The following SLC27A2 variants were observed in gnomAD, a reference collection of about 807,000 sequenced individuals.
SLC27A2 encodes the protein long-chain fatty acid transport protein 2.
Under a neutral mutation model 60.0 loss-of-function variants are expected in SLC27A2, and 54 were observed. That is an observed-to-expected ratio of 0.90 (90% CI 0.72 to 1.13). The LOEUF (loss-of-function observed/expected upper bound fraction) is 1.13, where lower values mean the gene tolerates loss of function less well. Among genes scored for constraint, SLC27A2 ranks in the 50% most tolerant of loss-of-function variants. The pLI is 0.00. For missense variants in SLC27A2, 739 were observed against 777.6 expected (o/e 0.95, Z 0.59); for synonymous variants, 297 against 297.6 (o/e 1.00, Z 0.02).
intron 7 of SLC27A2, 96 bp downstream of exon 7, chr15:50,227,274 C>T (rs2045285632): frequency 2.2e-6 from 2 of 912,852 alleles, no homozygotes; most frequent in African/African-American, 1.7e-5. Context: ...TGGTGCATTT[C>T]CTTCTCTATC....
In SLC27A2 at chr15:50,226,852, G is replaced by A. The variant is rs955307693; in HGVS notation, c.1259-128G>A. On this transcript the variant is annotated intron_variant, in intron 6 of 9. Transcript: ENST00000267842. ...GTACATATAATTCACAGGTATACAT[G>A]CATGGAAAATGATACTTCCTACAGC... 4.5e-6 allele frequency: 3 copies of A among 663,008 alleles called. No individual in the cohort carries two copies. In the African/African-American group the frequency reaches 5.5e-5, roughly 12 times the overall value. The allele number at this position is 663,008 out of a possible 1,614,324, so 41.1% of individuals were successfully genotyped here. A position where few individuals can be genotyped will look rare whatever the true frequency, so the allele number is the denominator to read the frequency against.
Position 50,182,236 on chromosome 15 carries a change from C to G in SLC27A2, c.-192C>G, listed in dbSNP as rs958468385. 3.8e-5 allele frequency: 35 copies of G among 915,506 alleles called. No homozygotes were observed. The highest frequency in any genetic ancestry group is 4.6e-5 in the Non-Finnish European group (32 of 692,338). The allele number at this position is 915,506 out of a possible 1,614,324, so 56.7% of individuals were successfully genotyped here. A position where few individuals can be genotyped will look rare whatever the true frequency, so the allele number is the denominator to read the frequency against. ...CCCCGGCAACGCGCATACGACTACA[C>G]CTGCTCCGGAGCCCGCGGCGGTACC... On this transcript the variant is annotated 5_prime_UTR_variant, in exon 1 of 10. Transcript: ENST00000267842.
chr15:50,204,502 G>GGT (rs2045092940), intron 3 of SLC27A2, among the ~76,000 whole-genome samples: 1 of 151,842 alleles, frequency 6.6e-6, no homozygotes, highest in Non-Finnish European at 1.5e-5. Flanking sequence ...GGGAGGCCAA[G>GGT]GGGTACAGAT....
intron 1 of SLC27A2, among the ~76,000 whole-genome samples, chr15:50,183,407 T>C (rs2140891721): frequency 6.6e-6 from 1 of 152,278 alleles, no homozygotes; most frequent in Admixed American, 6.5e-5. Context: ...TCCTCTCTAA[T>C]GAGGCAGGCT....
At chr15:50,235,407 A>G (rs1326898044) in intron 9 of SLC27A2, among the ~76,000 whole-genome samples, 1 of 152,198 alleles carries the variant, frequency 6.6e-6, no homozygotes, top group African/African-American at 2.4e-5. Context: ...CTGAAGCCTT[A>G]CCAAGAAATA....
chr15:50,188,941 CAG>C (rs1230817446), intron 1 of SLC27A2, among the ~76,000 whole-genome samples: 2 of 151,742 alleles, frequency 1.3e-5, no homozygotes, highest in African/African-American at 2.4e-5. Flanking sequence ...GCCGGGATGA[CAG>C]AGTGAGACTG....
rs773779646 is a variant in SLC27A2 at position 50,236,034 on chromosome 15, A to G, written c.1801A>G (p.Met601Val). Residue 601 changes from methionine (M) to valine (V), a missense_variant, in exon 10 of 10, where the codon ATG becomes GTG. Transcript: ENST00000267842. ...ALYFLDDTAK[M>V]YVPMTEDIYN... is the part of the protein sequence containing the mutation. ...GTATTTCTTGGATGACACAGCAAAA[A>G]TGTATGTGCCTATGACTGAGGACAT... 1.2e-6 allele frequency: 2 copies of G among 1,614,154 alleles called. No individual in the cohort carries two copies. Among genetic ancestry groups the G allele is most frequent in the South Asian group, 2.2e-5 (2 of 91,080 alleles).
At chr15:50,225,000 TA>T (rs11285958) in intron 5 of SLC27A2, among the ~76,000 whole-genome samples, 24,253 of 148,216 alleles carry the variant, frequency 0.16, 1,940 homozygotes, top group Middle Eastern at 0.19. Context: ...AGCAAAACAT[TA>T]AAAAAAAAAA....
chr15:50,224,257 G>A (rs1316051662), intron 5 of SLC27A2, among the ~76,000 whole-genome samples: 2 of 152,108 alleles, frequency 1.3e-5, no homozygotes, highest in Non-Finnish European at 2.9e-5. Context: ...TGGCTAACAC[G>A]GTGAAACCCC....
At chr15:50,198,573 C>A (rs900543179) in intron 2 of SLC27A2, 1 of 151,950 alleles carries the variant, frequency 6.6e-6, no homozygotes, top group East Asian at 1.9e-4. Flanking sequence ...CTTGTTTATT[C>A]GTGTGATAGA....
chr15:50,234,649 C>T (rs544626776), intron 9 of SLC27A2, among the ~76,000 whole-genome samples: 5 of 150,394 alleles, frequency 3.3e-5, no homozygotes, highest in East Asian at 2.0e-4. Flanking sequence ...GTCTCATCTA[C>T]GTGGGAGGCT....
In SLC27A2 at chr15:50,223,016, C is replaced by T. The variant is rs769865170; in HGVS notation, c.1024C>T (p.Arg342Ter). The T allele has an allele frequency of 6.8e-6, 11 of 1,613,394 alleles. No individual in the cohort carries two copies. The highest frequency in any genetic ancestry group is 8.5e-6 in the Non-Finnish European group (10 of 1,179,750). Residue 342 changes from arginine to a stop codon, truncating the protein, a stop_gained, in exon 5 of 10, where the codon CGA (arginine) becomes TGA (stop). Transcript: ENST00000267842. LOFTEE classifies it high-confidence loss of function. Reference sequence around the variant, plus strand: ...GAGACTGGCACTGGGAAATGGCTTACGAGGAGATGTGTGGAGACAATTTGT... The same window carrying T: ...GAGACTGGCACTGGGAAATGGCTTATGAGGAGATGTGTGGAGACAATTTGT... ...KVRLALGNGL[R>*]GDVWRQFVKR... is the part of the protein sequence containing the mutation.
chr15:50,215,166 C>T (rs113857884), intron 4 of SLC27A2, among the ~76,000 whole-genome samples: 4 of 152,106 alleles, frequency 2.6e-5, no homozygotes, highest in Admixed American at 2.0e-4. Flanking sequence ...CTTCTATACA[C>T]CAACAGCGAC....
intron 4 of SLC27A2, among the ~76,000 whole-genome samples, chr15:50,211,866 T>C (rs2140906592): frequency 6.6e-6 from 1 of 151,650 alleles, no homozygotes; most frequent in East Asian, 1.9e-4. Flanking sequence ...GGTCGGGAGA[T>C]TGAGACCATC....
chr15:50,219,285 G>C (rs1227092240), intron 4 of SLC27A2, among the ~76,000 whole-genome samples: 1 of 152,180 alleles, frequency 6.6e-6, no homozygotes, highest in African/African-American at 2.4e-5. Flanking sequence ...AGAGTTAACT[G>C]TCTGCCTCTG....
intron 1 of SLC27A2, among the ~76,000 whole-genome samples, chr15:50,189,984 A>C (rs1271485714): frequency 6.6e-6 from 1 of 152,220 alleles, no homozygotes; most frequent in African/African-American, 2.4e-5. Flanking sequence ...AATTACCTAA[A>C]TGTAAAATGA....
At chr15:50,223,202 G>A (rs751041401) in intron 5 of SLC27A2, 43 bp downstream of exon 5, 3 of 1,442,402 alleles carry the variant, frequency 2.1e-6, no homozygotes, top group Non-Finnish European at 2.9e-6. Context: ...CCAGTTTTCA[G>A]AATACAGAGA....
chr15:50,232,382 CT>C (rs1272635007), intron 8 of SLC27A2, among the ~76,000 whole-genome samples: 1 of 152,032 alleles, frequency 6.6e-6, no homozygotes, highest in East Asian at 1.9e-4. Flanking sequence ...GCTAGTGCAA[CT>C]AAGGAACTGA....
In SLC27A2 at chr15:50,235,848, C is replaced by G. The variant is rs2045347976; in HGVS notation, c.1687-72C>G. The G allele has an allele frequency of 3.2e-6, 4 of 1,236,208 alleles. No individual in the cohort carries two copies. The East Asian group carries it at 9.6e-5, about 30-fold the overall frequency. The allele number at this position is 1,236,208 out of a possible 1,614,324, so 76.6% of individuals were successfully genotyped here. A position where few individuals can be genotyped will look rare whatever the true frequency, so the allele number is the denominator to read the frequency against. On this transcript the variant is annotated intron_variant, in intron 9 of 9. Coordinates refer to ENST00000267842, the MANE Select transcript of SLC27A2 (RefSeq NM_003645.4). ...GATTTGCTAGATCCCCATGCCCCACCCCTACCCCTTGCTCTGCATCCTAAT... is the reference window on the plus strand; with the variant it reads ...GATTTGCTAGATCCCCATGCCCCACGCCTACCCCTTGCTCTGCATCCTAAT...
Sources: gnomAD v4.1 joint callset for allele counts (sites outside exome capture counted in the v4.1 genomes callset) on GRCh38, gnomAD v4.1.1 for gene constraint, MANE v1.5 for transcripts, NCBI Gene and HGNC (gene_info 2026-07-23, HGNC 2026-07-21) for gene names.